The following CTNNA2 variants were observed in gnomAD, a reference collection of about 807,000 sequenced individuals.
The protein encoded by CTNNA2 is catenin alpha-2.
A neutral mutation model predicts 101.0 loss-of-function variants in CTNNA2; 42 were observed. The ratio of observed to expected loss-of-function variants is 0.42; its 90% CI spans 0.32 to 0.54. The LOEUF (loss-of-function observed/expected upper bound fraction) is 0.54. CTNNA2 is among the 20% of genes least tolerant of loss of function. The probability of loss-of-function intolerance (pLI) is 0.14; values close to 1 mark genes in which losing one functional copy is unlikely to be tolerated. For synonymous variants in CTNNA2, 450 were observed against 456.4 expected, an observed-to-expected ratio of 0.99 and a Z score of 0.18; for missense variants, 871 against 1,223.1, an observed-to-expected ratio of 0.71 and a Z score of 4.29.
chr2:79,861,070 C>T (rs1342765770), intron 4 of CTNNA2, among the ~76,000 whole-genome samples: 2 of 152,200 alleles, frequency 1.3e-5, no homozygotes, highest in East Asian at 3.9e-4. Context: ...AGTTTCTTTA[C>T]CACCTGGATG....
intron 2 of CTNNA2, among the ~76,000 whole-genome samples, chr2:79,698,743 T>G (rs1052247765): frequency 3.3e-5 from 5 of 152,050 alleles, no homozygotes; most frequent in African/African-American, 1.2e-4. Flanking sequence ...ATGTTGCATA[T>G]GGGTGCATGG....
At chr2:80,634,735 A>G (rs1222933735) in intron 18 of CTNNA2, among the ~76,000 whole-genome samples, 4 of 152,136 alleles carry the variant, frequency 2.6e-5, no homozygotes, top group African/African-American at 9.7e-5. Context: ...CAAGTGGATA[A>G]GAGTGAAGAA....
At chr2:79,814,781 T>C (rs1015947470) in intron 3 of CTNNA2, among the ~76,000 whole-genome samples, 3 of 152,148 alleles carry the variant, frequency 2.0e-5, no homozygotes, top group Admixed American at 2.0e-4. Flanking sequence ...TCTTTTCCTC[T>C]GGGTAGGTGC....
intron 3 of CTNNA2, among the ~76,000 whole-genome samples, chr2:79,344,845 AT>A (rs1182054181): frequency 1.4e-5 from 2 of 145,280 alleles, no homozygotes; most frequent in Admixed American, 7.0e-5. Context: ...TATAATACAA[AT>A]ATTATATATA....
chr2:80,213,662 G>T (rs1481741629), intron 7 of CTNNA2, among the ~76,000 whole-genome samples: 1 of 152,174 alleles, frequency 6.6e-6, no homozygotes, highest in East Asian at 1.9e-4. Flanking sequence ...AATAAGTGTG[G>T]TGTGGTGCTG....
At chr2:79,222,206 G>C (rs7591785) in intron 2 of CTNNA2, among the ~76,000 whole-genome samples, 34,065 of 152,100 alleles carry the variant, frequency 0.22, 4,670 homozygotes, top group African/African-American at 0.39. Context: ...CGATATAAAG[G>C]CTTCTATGAG....
intron 8 of CTNNA2, among the ~76,000 whole-genome samples, chr2:80,401,076 C>T (rs1044570599): frequency 2.6e-5 from 4 of 152,212 alleles, no homozygotes; most frequent in African/African-American, 4.8e-5. Flanking sequence ...TTCCTGTAAA[C>T]AGGATTTATC....
At chr2:79,218,333 G>A (rs1196336925) in intron 2 of CTNNA2, among the ~76,000 whole-genome samples, 8 of 78,060 alleles carry the variant, frequency 1.0e-4, no homozygotes, top group African/African-American at 3.1e-4. Context: ...GTGTGTGTGT[G>A]TGTGTGTGTG....
intron 3 of CTNNA2, among the ~76,000 whole-genome samples, chr2:79,792,644 T>C (rs1365206837): frequency 1.3e-5 from 2 of 152,082 alleles, no homozygotes; most frequent in African/African-American, 4.8e-5. Flanking sequence ...AGTTTGGAAA[T>C]AGTGAAGAGA....
At chr2:80,600,410 A>T (rs938921874) in intron 15 of CTNNA2, among the ~76,000 whole-genome samples, 1 of 151,960 alleles carries the variant, frequency 6.6e-6, no homozygotes, top group Non-Finnish European at 1.5e-5. Flanking sequence ...TAAAAAAAAG[A>T]AACCTAACAT....
chr2:79,579,949 A>G (rs893746572), intron 1 of CTNNA2, among the ~76,000 whole-genome samples: 1 of 152,088 alleles, frequency 6.6e-6, no homozygotes, highest in Non-Finnish European at 1.5e-5. Flanking sequence ...CAAAGTTGCC[A>G]CAAGCTCGGA....
At chr2:79,908,228 A>G (rs1407354791) in intron 6 of CTNNA2, among the ~76,000 whole-genome samples, 1 of 152,232 alleles carries the variant, frequency 6.6e-6, no homozygotes, top group Non-Finnish European at 1.5e-5. Flanking sequence ...CAGATTAGCA[A>G]TAGAATAACT....
chr2:79,465,032 G>T (rs1670918651), intron 4 of CTNNA2, among the ~76,000 whole-genome samples: 1 of 152,072 alleles, frequency 6.6e-6, no homozygotes, highest in Admixed American at 6.5e-5. Flanking sequence ...CATTGCTTTT[G>T]GTGTTTTGGA....
chr2:80,626,406 C>A (rs1439709245), intron 18 of CTNNA2, among the ~76,000 whole-genome samples: 1 of 151,992 alleles, frequency 6.6e-6, no homozygotes, highest in Non-Finnish European at 1.5e-5. Context: ...AGGGTTAAAC[C>A]AGGTGCTTCC....
At chr2:79,505,222 A>C (rs948942613) in intron 5 of CTNNA2, 2 of 152,198 alleles carry the variant, frequency 1.3e-5, no homozygotes, top group South Asian at 4.1e-4. Context: ...CCCTAGCAGC[A>C]GTAGATGTTT....
At chr2:79,286,546 G>C (rs1189787518) in intron 2 of CTNNA2, among the ~76,000 whole-genome samples, 1 of 151,962 alleles carries the variant, frequency 6.6e-6, no homozygotes, top group Admixed American at 6.6e-5. Flanking sequence ...ATTCTGGGTT[G>C]AAAATTCTTT....
intron 1 of CTNNA2, among the ~76,000 whole-genome samples, chr2:79,583,407 T>C (rs1402813227): frequency 6.6e-6 from 1 of 151,972 alleles, no homozygotes; most frequent in Non-Finnish European, 1.5e-5. Flanking sequence ...TCTTTTTCTT[T>C]TAGTGTCATT....
chr2:80,395,728 A>G (rs1401779748), intron 8 of CTNNA2, among the ~76,000 whole-genome samples: 1 of 152,226 alleles, frequency 6.6e-6, no homozygotes, highest in Non-Finnish European at 1.5e-5. Flanking sequence ...CTGCTGAGAT[A>G]CTTTCTATTC....
intron 1 of CTNNA2, among the ~76,000 whole-genome samples, chr2:79,195,271 G>A (rs111777347): frequency 2.0e-5 from 3 of 152,228 alleles, no homozygotes; most frequent in African/African-American, 7.2e-5. Context: ...CTCAGAAATA[G>A]CACCAAATGC....
Sources: gnomAD v4.1 joint callset for allele counts (sites outside exome capture counted in the v4.1 genomes callset) on GRCh38, gnomAD v4.1.1 for gene constraint, MANE v1.5 for transcripts, NCBI Gene and HGNC (gene_info 2026-07-23, HGNC 2026-07-21) for gene names.